Variants in AK4 observed in about 807,000 individuals in gnomAD.
AK4 encodes adenylate kinase 4.
AK4 carries 13 observed loss-of-function variants against 24.6 expected under a neutral mutation model. The observed-to-expected ratio is 0.53, with a 90% confidence interval of 0.34 to 0.84. AK4 has a LOEUF of 0.84. Ranked by LOEUF, AK4 falls within the 40% of genes least tolerant of loss-of-function variation. The pLI is 0.01. For synonymous variants in AK4, 88 were observed against 107.0 expected, an observed-to-expected ratio of 0.82 and a Z score of 1.10; for missense variants, 192 against 288.2, an observed-to-expected ratio of 0.67 and a Z score of 2.42.
intron 2 of AK4, among the ~76,000 whole-genome samples, chr1:65,206,294 T>C (rs1212795447): frequency 6.6e-6 from 1 of 152,170 alleles, no homozygotes; most frequent in Non-Finnish European, 1.5e-5. Flanking sequence ...ATGCCTGCAA[T>C]CTGTAGCTGA....
intron 1 of AK4, among the ~76,000 whole-genome samples, chr1:65,152,089 C>T (rs568552632): frequency 1.4e-4 from 21 of 152,138 alleles, no homozygotes; most frequent in African/African-American, 4.3e-4. Context: ...CTACTACAAA[C>T]TCTGAACAAA....
Position 65,195,892 on chromosome 1 carries a change from T to A in AK4, c.265+5063T>A, listed in dbSNP as rs533326929. ...AAAGTCAGTTTCAGTTATGGAATGT[T>A]TTCTCTATCTTTTCAGTGCTTGCTT... On this transcript the variant is annotated intron_variant, in intron 2 of 4. Coordinates refer to ENST00000327299, the MANE Select transcript of AK4 (RefSeq NM_013410.4). Among the ~76,000 whole-genome samples the A allele has an allele frequency of 3.3e-5, 5 of 152,298 alleles. No individual in the cohort carries two copies. In the East Asian group the frequency reaches 9.6e-4, roughly 29 times the overall value.
intron 2 of AK4, among the ~76,000 whole-genome samples, chr1:65,215,516 A>C (rs529271358): frequency 1.3e-5 from 2 of 152,264 alleles, no homozygotes; most frequent in East Asian, 3.9e-4. Context: ...TGATGTGCTC[A>C]TCAAATGGAG....
chr1:65,211,602 G>A (rs529210406), intron 2 of AK4, among the ~76,000 whole-genome samples: 1 of 152,300 alleles, frequency 6.6e-6, no homozygotes, highest in East Asian at 1.9e-4. Flanking sequence ...CCCAGCATTG[G>A]TTTTTACAGT....
intron 1 of AK4, among the ~76,000 whole-genome samples, chr1:65,158,383 T>C (rs1249789782): frequency 6.6e-6 from 1 of 152,244 alleles, no homozygotes; most frequent in Non-Finnish European, 1.5e-5. Flanking sequence ...ACAATCTGTA[T>C]TGGTGCATAT....
At chr1:65,178,337 T>C (rs1045316923) in intron 1 of AK4, among the ~76,000 whole-genome samples, 1 of 152,126 alleles carries the variant, frequency 6.6e-6, no homozygotes, top group Non-Finnish European at 1.5e-5. Context: ...GGCTAAGGGG[T>C]GTGTGAGGCC....
At chr1:65,173,862 CA>C (rs11429425) in intron 1 of AK4, among the ~76,000 whole-genome samples, 6,132 of 140,722 alleles carry the variant, frequency 0.044, 202 homozygotes, top group African/African-American at 0.099. Flanking sequence ...GACCCTGTCT[CA>C]AAAAAAAAAA....
rs948915772 is a variant in AK4, at chr1:65,231,805, T to C, written c.*5628T>C. On this transcript the variant is annotated 3_prime_UTR_variant, in exon 5 of 5. Transcript: ENST00000327299. Reference sequence around the variant, plus strand: ...GATGAACAGATCTCTGGGGAAATTGTTGAGTTACAATGGCATTTCACTGTG... The same window carrying C: ...GATGAACAGATCTCTGGGGAAATTGCTGAGTTACAATGGCATTTCACTGTG... The C allele has an allele frequency of 6.6e-6, 1 of 152,222 alleles. No individual in the cohort carries two copies. The highest frequency in any genetic ancestry group is 2.4e-5 in the African/African-American group (1 of 41,456). The allele number at this position is 152,222 out of a possible 1,614,324, so 9.4% of individuals were successfully genotyped here.
intron 2 of AK4, among the ~76,000 whole-genome samples, chr1:65,205,505 A>G (rs1166871678): frequency 1.3e-5 from 2 of 152,136 alleles, no homozygotes; most frequent in Admixed American, 1.3e-4. Flanking sequence ...AAGTACTTGG[A>G]TTTACAGGCG....
intron 3 of AK4, among the ~76,000 whole-genome samples, chr1:65,223,948 G>A (rs1389880131): frequency 2.0e-5 from 3 of 152,104 alleles, no homozygotes; most frequent in Admixed American, 6.5e-5. Flanking sequence ...AGCCGAGATC[G>A]AGCCATTGCA....
intron 2 of AK4, among the ~76,000 whole-genome samples, chr1:65,206,597 A>G (rs1218855239): frequency 6.6e-6 from 1 of 152,260 alleles, no homozygotes; most frequent in Non-Finnish European, 1.5e-5. Context: ...GCGTGCGCAC[A>G]CACACAAACA....
chr1:65,153,418 C>T (rs943850799), intron 1 of AK4, among the ~76,000 whole-genome samples: 1 of 152,118 alleles, frequency 6.6e-6, no homozygotes, highest in African/African-American at 2.4e-5. Flanking sequence ...TACAGGCATG[C>T]ACCACCATGC....
chr1:65,216,470 TC>T (rs779067500), intron 2 of AK4, among the ~76,000 whole-genome samples: 23 of 152,136 alleles, frequency 1.5e-4, no homozygotes, highest in Non-Finnish European at 3.1e-4. Context: ...CCTCCCTGCC[TC>T]CCGCTTCCCC....
At position 65,162,677 on chromosome 1, in the gene AK4, CAAA is replaced by C. The variant is rs202226743; in HGVS notation, c.145+14134_145+14136del. On this transcript the variant is annotated intron_variant, in intron 1 of 4. Coordinates refer to ENST00000327299, the MANE Select transcript of AK4 (RefSeq NM_013410.4). ...CTAACACGGTGAAACACCAACTCTACAAAAAAAAAAAGTGTAAAAATCAGAGGT... is the reference window on the plus strand; with the variant it reads ...CTAACACGGTGAAACACCAACTCTACAAAAAAAAGTGTAAAAATCAGAGGT... Among the ~76,000 whole-genome samples the C allele has an allele frequency of 6.5e-5, 9 of 137,992 alleles. No homozygotes were observed. The Admixed American group carries it at 6.5e-4, about 10-fold the overall frequency. The allele number at this position is 137,992 out of a possible 152,430, so 90.5% of individuals were successfully genotyped here.
chr1:65,163,201 G>A (rs959285785), intron 1 of AK4, among the ~76,000 whole-genome samples: 1 of 152,170 alleles, frequency 6.6e-6, no homozygotes, highest in African/African-American at 2.4e-5. Flanking sequence ...CAAAGCAGCT[G>A]CATCATTTTA....
intron 1 of AK4, among the ~76,000 whole-genome samples, chr1:65,161,298 CATTA>C (rs1650150369): frequency 6.6e-6 from 1 of 152,090 alleles, no homozygotes; most frequent in Non-Finnish European, 1.5e-5. Flanking sequence ...CATGTCCCAG[CATTA>C]GGTATGGGGA....
intron 1 of AK4, among the ~76,000 whole-genome samples, chr1:65,179,820 G>A (rs1436630339): frequency 6.6e-6 from 1 of 152,162 alleles, no homozygotes; most frequent in South Asian, 2.1e-4. Flanking sequence ...CGGTGACAAA[G>A]TGAGACCCTG....
At position 65,228,676 on chromosome 1, in the gene AK4, A is replaced by G. The variant is rs1253743989; in HGVS notation, c.*2499A>G. ...TGTAAAAATTAAAGTAATCTTGAAA[A>G]TGTTTTGACAAAAGTAAAATTAAAG... On this transcript the variant is annotated 3_prime_UTR_variant, in exon 5 of 5. Coordinates refer to ENST00000327299, the MANE Select transcript of AK4 (RefSeq NM_013410.4). The G allele has an allele frequency of 2.6e-5, 4 of 151,792 alleles. No homozygotes were observed. Among genetic ancestry groups the G allele is most frequent in the Non-Finnish European group, 5.9e-5 (4 of 67,980 alleles). 9.4% of individuals were successfully genotyped at this position (151,792 alleles called of 1,614,324 possible). A position where few individuals can be genotyped will look rare whatever the true frequency, so the allele number is the denominator to read the frequency against.
chr1:65,152,376 A>T (rs1570055516), intron 1 of AK4, among the ~76,000 whole-genome samples: 4 of 66,766 alleles, frequency 6.0e-5, no homozygotes, highest in South Asian at 6.8e-4. Context: ...ATATATATAT[A>T]TATATATATT....
Sources: allele counts gnomAD v4.1 joint callset (sites outside exome capture counted in the v4.1 genomes callset), GRCh38; gene constraint gnomAD v4.1.1; transcripts MANE v1.5; gene names NCBI Gene and HGNC (gene_info 2026-07-23, HGNC 2026-07-21).